The following KMT2B variants were observed in gnomAD, a reference collection of about 807,000 sequenced individuals.
KMT2B encodes lysine methyltransferase 2B.
KMT2B carries 22 observed loss-of-function variants against 255.3 expected under a neutral mutation model. The observed-to-expected ratio is 0.09, with a 90% CI of 0.06 to 0.12. The LOEUF is 0.12. Among genes scored for constraint, KMT2B ranks in the 10% least tolerant of loss-of-function variants. The pLI is 1.00. For missense variants in KMT2B, 3,149 were observed against 3,737.0 expected, an observed-to-expected ratio of 0.84 and a Z score of 4.10; for synonymous variants, 1,730 against 1,498.1, an observed-to-expected ratio of 1.15 and a Z score of -3.57.
rs957165975 is a variant in KMT2B at position 35,724,905 on chromosome 19, T to C, written c.3430-84T>C. 62 of 1,055,766 alleles carry C rather than the reference T, an allele frequency of 5.9e-5. 1 individual carries two copies. In the South Asian group the frequency reaches 8.2e-4, roughly 14 times the overall value. 65.4% of individuals were successfully genotyped at this position (1,055,766 alleles called of 1,614,324 possible). On this transcript the variant is annotated intron_variant, in intron 9 of 36. Transcript: ENST00000420124. ...GGTCTGGATCAGGGTCTGGGTCCAG[T>C]AGGCTGGGGGAAAGGCGGTGAGGAG...
Position 35,723,646 on chromosome 19 carries a change from C to A in KMT2B, c.3059-86C>A. 2 of 1,338,412 alleles carry A rather than the reference C, an allele frequency of 1.5e-6. No homozygotes were observed. The highest frequency in any genetic ancestry group is 2.0e-6 in the Non-Finnish European group (2 of 985,528). 82.9% of individuals were successfully genotyped at this position (1,338,412 alleles called of 1,614,324 possible). Reference sequence around the variant, plus strand: ...TGCTTTCATAGCTCCTGCGTTCATTCCCTGCCCCGCTTCTTTCTGGCTTCT... The same window carrying A: ...TGCTTTCATAGCTCCTGCGTTCATTACCTGCCCCGCTTCTTTCTGGCTTCT... On this transcript the variant is annotated intron_variant, in intron 7 of 36. Transcript: ENST00000420124. This position sits in a 1 kb window ranked among gnomAD's most constrained non-coding sequence, Gnocchi z 7.5.
chr19:35,725,377 G>A lies in KMT2B; in HGVS notation c.3642+44G>A. 1 of 1,565,436 alleles carries A rather than the reference G, an allele frequency of 6.4e-7. No homozygotes were observed. Among genetic ancestry groups the A allele is most frequent in the Admixed American group, 1.8e-5 (1 of 56,076 alleles). On this transcript the variant is annotated intron_variant, in intron 11 of 36. Transcript: ENST00000420124. This position sits in a 1 kb window ranked among gnomAD's most constrained non-coding sequence, Gnocchi z 4.1. ...TTCACAGACCCCCAGCTCTCTGTCG[G>A]TCCTCACGGCCTGATTCCTTGGGCC... is the stretch of plus-strand genomic sequence containing the variant.
At chr19:35,722,969 C>T (rs945540534) in intron 5 of KMT2B, 26 bp from the exon 6 acceptor site, 28 of 1,518,798 alleles carry the variant, frequency 1.8e-5, no homozygotes, top group Non-Finnish European at 2.4e-5. Flanking sequence ...GTGGCTCCAT[C>T]CCCTCCTCCC....
rs1381734364 is a variant in KMT2B at position 35,733,246 on chromosome 19, A to G, written c.6697A>G (p.Thr2233Ala). The G allele has an allele frequency of 7.5e-7, 1 of 1,339,206 alleles. No individual in the cohort carries two copies. The highest frequency in any genetic ancestry group is 2.2e-5 in the Admixed American group (1 of 44,606). The allele number at this position is 1,339,206 out of a possible 1,614,324, so 83.0% of individuals were successfully genotyped here. Residue 2233 changes from threonine to alanine, a missense_variant, in exon 28 of 37, where the codon ACT (threonine) becomes GCT (alanine). Thr to Ala is a moderately conservative substitution (Grantham distance 58). Around this residue, in one of 18 missense-constraint regions of KMT2B, gnomAD observed 897 missense variants for 825.3 expected, o/e 1.09. Coordinates refer to ENST00000420124, the MANE Select transcript of KMT2B (RefSeq NM_014727.3). The surrounding 1 kb of genome is among the most constrained non-coding windows in gnomAD (Gnocchi z 4.3). ...TISPTAPTSW[T>A]LPPGPLLGVL... ...TTCCCCCACGGCTCCCACCTCCTGG[A>G]CTCTGCCCCCAGGCCCCCTCCTCGG...
rs147264079 is a variant in KMT2B at position 35,721,957 on chromosome 19, C to T, written c.2457+153C>T. Among the ~76,000 whole-genome samples, 520 of 152,202 alleles carry T rather than the reference C, an allele frequency of 3.4e-3. 10 individuals carry two copies. Among genetic ancestry groups the T allele is most frequent in the African/African-American group, 0.012 (501 of 41,544 alleles). On this transcript the variant is annotated intron_variant, in intron 3 of 36. Transcript: ENST00000420124. Reference sequence around the variant, plus strand: ...TGATCCCCCACCTTCCTTTGTTCCTCCCCAGACCTGGCCCTTCTCTGTGCT... The same window carrying T: ...TGATCCCCCACCTTCCTTTGTTCCTTCCCAGACCTGGCCCTTCTCTGTGCT...
Position 35,733,944 on chromosome 19 carries a change from C to G in KMT2B, c.7159+72C>G. ...GCTGGGTGACTCACAGATGCAAAAT[C>G]AGCCCTCTTTCAAAACCAGTATCTA... On this transcript the variant is annotated intron_variant, in intron 30 of 36. Coordinates refer to ENST00000420124, the MANE Select transcript of KMT2B (RefSeq NM_014727.3). This position sits in a 1 kb window ranked among gnomAD's most constrained non-coding sequence, Gnocchi z 4.3. 1 of 1,112,630 alleles carries G rather than the reference C, an allele frequency of 9.0e-7. No homozygotes were observed. Among genetic ancestry groups the G allele is most frequent in the Non-Finnish European group, 1.3e-6 (1 of 746,468 alleles). 68.9% of individuals were successfully genotyped at this position (1,112,630 alleles called of 1,614,324 possible).
intron 30 of KMT2B, chr19:35,735,704 C>G (rs1276601205): frequency 6.6e-6 from 1 of 152,274 alleles, no homozygotes; most frequent in Non-Finnish European, 1.5e-5. Context: ...TAAGAGGCCT[C>G]TCAAAGTCAG....
intron 14 of KMT2B, among the ~76,000 whole-genome samples, chr19:35,726,624 C>T (rs531047862): frequency 1.4e-3 from 218 of 152,222 alleles, no homozygotes; most frequent in Non-Finnish European, 1.9e-3. Flanking sequence ...CTCCATTGAG[C>T]GGTTTGGAAG....
chr19:35,722,309 C>A (rs919298731), intron 3 of KMT2B, 50 bp from the exon 4 acceptor site: 5 of 1,530,710 alleles, frequency 3.3e-6, no homozygotes, highest in Admixed American at 4.0e-5. Context: ...AGCTCCCTGT[C>A]CCTATCTTTC....
At chr19:35,726,969 G>A (rs1430872093) in intron 14 of KMT2B, among the ~76,000 whole-genome samples, 187 bp from the exon 15 acceptor site, 2 of 127,866 alleles carry the variant, frequency 1.6e-5, no homozygotes, top group East Asian at 2.4e-4. Context: ...GGGTGACAGA[G>A]CAAGACACTG....
Position 35,727,375 on chromosome 19 carries a change from G to A in KMT2B, c.4118-63G>A. On this transcript the variant is annotated intron_variant, in intron 15 of 36. Transcript: ENST00000420124. The surrounding 1 kb of genome is among the most constrained non-coding windows in gnomAD (Gnocchi z 4.2). The stretch of plus-strand genomic sequence containing the variant: ...GGGCTAAGGGTCCTTGCTGGCCTAG[G>A]GGCTGCTGGGAGCCCTCACATCCTC... 1 of 1,595,952 alleles carries A rather than the reference G, an allele frequency of 6.3e-7. No homozygotes were observed. Among genetic ancestry groups the A allele is most frequent in the Non-Finnish European group, 8.6e-7 (1 of 1,164,426 alleles).
chr19:35,731,097 C>T (rs953759482), intron 26 of KMT2B, among the ~76,000 whole-genome samples: 6 of 152,192 alleles, frequency 3.9e-5, no homozygotes, highest in African/African-American at 1.4e-4. Context: ...AGGTGGGGTA[C>T]TGGCTTTTGG....
Position 35,725,709 on chromosome 19 carries a change from T to C in KMT2B, c.3790-14T>C. 2 of 1,612,676 alleles carry C rather than the reference T, an allele frequency of 1.2e-6. No homozygotes were observed. The highest frequency in any genetic ancestry group is 1.7e-6 in the Non-Finnish European group (2 of 1,179,392). On this transcript the variant is annotated splice_polypyrimidine_tract_variant and intron_variant, in intron 12 of 36. Transcript: ENST00000420124. The surrounding 1 kb of genome is among the most constrained non-coding windows in gnomAD (Gnocchi z 4.1). ...GCCAGCAGGTTTCGCCATCTCTGTCTCCACATCCAACAGCACCTCCTGGAG... is the reference window on the plus strand; with the variant it reads ...GCCAGCAGGTTTCGCCATCTCTGTCCCCACATCCAACAGCACCTCCTGGAG...
chr19:35,727,732 C>G lies in KMT2B; in HGVS notation c.4337C>G (p.Pro1446Arg). Residue 1446 changes from proline (P) to arginine (R), a missense_variant, in exon 17 of 37, where the codon CCC (proline) becomes CGC (arginine). Physicochemically the swap from Pro to Arg is moderately radical, Grantham distance 103 (BLOSUM62 -2). Transcript: ENST00000420124. This position sits in a 1 kb window ranked among gnomAD's most constrained non-coding sequence, Gnocchi z 4.2. ...GATGGGAAGCAACTGCACCCAGGACCCTGCGGCCTGCAAGCTGTGAGTCAG... is the reference window on the plus strand; with the variant it reads ...GATGGGAAGCAACTGCACCCAGGACGCTGCGGCCTGCAAGCTGTGAGTCAG... ...GPDGKQLHPG[P>R]CGLQAVSQRF... is the part of the protein sequence containing the mutation. 6.2e-7 allele frequency: 1 copy of G among 1,613,846 alleles called. No homozygotes were observed. Among genetic ancestry groups the G allele is most frequent in the Non-Finnish European group, 8.5e-7 (1 of 1,179,898 alleles).
chr19:35,737,252 G>T lies in KMT2B; in HGVS notation c.7539G>T (p.Glu2513Asp). 6.5e-7 allele frequency: 1 copy of T among 1,532,026 alleles called. No individual in the cohort carries two copies. The allele number at this position is 1,532,026 out of a possible 1,614,324, so 94.9% of individuals were successfully genotyped here. Residue 2513 changes from glutamate to aspartate, a missense_variant, in exon 33 of 37, where the codon GAG (glutamate) becomes GAT (aspartate). Glu to Asp is a conservative substitution (Grantham distance 45, BLOSUM62 2). Coordinates refer to ENST00000420124, the MANE Select transcript of KMT2B (RefSeq NM_014727.3). The surrounding 1 kb of genome is among the most constrained non-coding windows in gnomAD (Gnocchi z 5.3). ...PLNPHGAARA[E>D]VYLRKCTFDM... ...ATCCCCATGGGGCTGCTCGGGCAGA[G>T]GTCTATCTCCGGTGAGAGGTCTGGG...
Position 35,721,090 on chromosome 19 carries a change from C to G in KMT2B, c.1743C>G (p.Pro581=), listed in dbSNP as rs1337197475. ...TTCCCCAGGAGCCAGCACCAGTCCC[C>G]TCTCCACCACGTGCCCCAACTCCTC... is the stretch of plus-strand genomic sequence containing the variant. ...PPVPQEPAPV[P]SPPRAPTPPS... Residue 581 remains proline, a synonymous_variant, in exon 3 of 37, where the codon CCC becomes CCG. Transcript: ENST00000420124. 4.3e-6 allele frequency: 7 copies of G among 1,611,206 alleles called. No individual in the cohort carries two copies. In the African/African-American group the frequency reaches 5.4e-5, roughly 12 times the overall value.
chr19:35,729,851 A>AG (rs1969622673), intron 22 of KMT2B, 116 bp from the exon 23 acceptor site: 8 of 1,022,644 alleles, frequency 7.8e-6, no homozygotes, highest in Non-Finnish European at 1.1e-5. Context: ...GGCTGCGCCT[A>AG]GGGAGAGCCT....
Position 35,733,303 on chromosome 19 carries a change from G to T in KMT2B, c.6754G>T (p.Ala2252Ser). 3.8e-5 allele frequency: 51 copies of T among 1,339,942 alleles called. No homozygotes were observed. Among genetic ancestry groups the T allele is most frequent in the Middle Eastern group, 2.5e-4 (1 of 3,956 alleles). 83.0% of individuals were successfully genotyped at this position (1,339,942 alleles called of 1,614,324 possible). A position where few individuals can be genotyped will look rare whatever the true frequency, so the allele number is the denominator to read the frequency against. ...GCCCGTGGTCGGAGTGGTCCGCCCT[G>T]CCCCGCCCCCGCCACCCCCTCCCCT... is the stretch of plus-strand genomic sequence containing the variant. Reference protein sequence around the residue: ...VLPVVGVVRPAPPPPPPPLTL... With the variant: ...VLPVVGVVRPSPPPPPPPLTL... The change falls in exon 28 of 37, where the codon GCC becomes TCC. Residue 2252 changes from alanine (A) to serine (S), a missense_variant. Physicochemically the swap from Ala to Ser is moderately conservative, Grantham distance 99. This residue lies in a region of KMT2B where 897 missense variants were observed against 825.3 expected (regional missense o/e 1.09). Transcript: ENST00000420124. The surrounding 1 kb of genome is among the most constrained non-coding windows in gnomAD (Gnocchi z 4.3).
rs761407686 is a variant in KMT2B at position 35,727,196 on chromosome 19, C to T, written c.4044C>T (p.Asn1348=). ...CPICTRCYED[N]DYESKMMQCA... ...TCTGTACACGCTGCTATGAAGACAA[C>T]GACTATGAGAGCAAGATGATGCAGT... Residue 1348 remains asparagine, a synonymous_variant, in exon 15 of 37, where the codon AAC becomes AAT. Coordinates refer to ENST00000420124, the MANE Select transcript of KMT2B (RefSeq NM_014727.3). The surrounding 1 kb of genome is among the most constrained non-coding windows in gnomAD (Gnocchi z 4.2). The T allele has an allele frequency of 3.1e-6, 5 of 1,613,516 alleles. No individual in the cohort carries two copies. Among genetic ancestry groups the T allele is most frequent in the East Asian group, 2.2e-5 (1 of 44,864 alleles).
Sources: allele counts gnomAD v4.1 joint callset (sites outside exome capture counted in the v4.1 genomes callset), GRCh38; gene constraint gnomAD v4.1.1; regional missense constraint gnomAD v4.1.1; non-coding constraint Gnocchi (gnomAD v3.1); transcripts MANE v1.5; gene names NCBI Gene and HGNC (gene_info 2026-07-23, HGNC 2026-07-21).